The following NELL1 variants were observed in gnomAD, a reference collection of about 807,000 sequenced individuals.
NELL1 encodes neural EGFL like 1.
In NELL1, 76 loss-of-function variants were observed where a neutral mutation model predicts 107.4. The observed-to-expected ratio is 0.71, with a 90% CI of 0.59 to 0.86. The LOEUF (loss-of-function observed/expected upper bound fraction) is 0.86, where lower values mean the gene tolerates loss of function less well. Among genes scored for constraint, NELL1 ranks in the 40% least tolerant of loss-of-function variants. The pLI, the probability that NELL1 is intolerant of heterozygous loss-of-function variation, is 0.00. For synonymous variants in NELL1, 353 were observed against 341.2 expected, an observed-to-expected ratio of 1.03 and a Z score of -0.38; for missense variants, 1,024 against 1,005.5, an observed-to-expected ratio of 1.02 and a Z score of -0.25.
chr11:21,506,934 A>G (rs892715102), intron 15 of NELL1, among the ~76,000 whole-genome samples: 4 of 152,182 alleles, frequency 2.6e-5, no homozygotes, highest in Non-Finnish European at 5.9e-5. Context: ...AGAAAAATAA[A>G]GGACAGGACT....
intron 16 of NELL1, among the ~76,000 whole-genome samples, chr11:21,553,215 G>A (rs1424513506): frequency 6.6e-6 from 1 of 151,840 alleles, no homozygotes; most frequent in Non-Finnish European, 1.5e-5. Context: ...TCAAAATAGA[G>A]AGTTAGTTTT....
chr11:21,147,836 CAAAAAAAAAAAAAAAAAAA>C (rs35688285), intron 13 of NELL1, among the ~76,000 whole-genome samples: 5 of 28,818 alleles, frequency 1.7e-4, no homozygotes, highest in Non-Finnish European at 3.0e-4. Flanking sequence ...AACTCCGTCT[CAAAAAAAAAAAAAAAAAAA>C]AAAAAAAAAA....
At chr11:21,088,737 T>C (rs1565053039) in intron 12 of NELL1, among the ~76,000 whole-genome samples, 1 of 152,248 alleles carries the variant, frequency 6.6e-6, no homozygotes, top group East Asian at 1.9e-4. Context: ...ATCTTCAAAA[T>C]GGTTATAGAG....
chr11:21,527,536 GAACT>G (rs1179493165), intron 15 of NELL1, among the ~76,000 whole-genome samples: 2 of 152,178 alleles, frequency 1.3e-5, no homozygotes, highest in African/African-American at 4.8e-5. Flanking sequence ...TAAAGGGACA[GAACT>G]AATAGGATAG....
intron 11 of NELL1, among the ~76,000 whole-genome samples, chr11:20,958,067 T>TA (rs1851214892): frequency 6.6e-6 from 1 of 152,042 alleles, no homozygotes; most frequent in African/African-American, 2.4e-5. Context: ...AAATCCTAAA[T>TA]AAAAATACAT....
chr11:20,917,364 T>G (rs578111608), intron 5 of NELL1, among the ~76,000 whole-genome samples: 2 of 152,108 alleles, frequency 1.3e-5, no homozygotes, highest in East Asian at 1.9e-4. Flanking sequence ...GCTGATTGCC[T>G]TCTGCTGTTT....
intron 12 of NELL1, among the ~76,000 whole-genome samples, chr11:21,082,001 A>ATACT (rs1404357893): frequency 3.3e-5 from 5 of 152,162 alleles, no homozygotes; most frequent in African/African-American, 1.2e-4. Context: ...ACACTACGCC[A>ATACT]TACTCTCTCA....
At chr11:20,937,658 AAG>A in intron 9 of NELL1, 126 bp from the exon 10 acceptor site, 1 of 678,912 alleles carries the variant, frequency 1.5e-6, no homozygotes, top group South Asian at 1.8e-5. Context: ...ACTTTAGACA[AAG>A]AGATTTGTAT....
At chr11:20,812,026 A>G (rs976502214) in intron 3 of NELL1, among the ~76,000 whole-genome samples, 1 of 152,174 alleles carries the variant, frequency 6.6e-6, no homozygotes, top group Non-Finnish European at 1.5e-5. Context: ...GATTGTAGAG[A>G]GAAAGCTTTC....
intron 2 of NELL1, among the ~76,000 whole-genome samples, chr11:20,728,493 G>A (rs1487523971): frequency 6.6e-6 from 1 of 151,984 alleles, no homozygotes; most frequent in Non-Finnish European, 1.5e-5. Flanking sequence ...TGTAAATAGT[G>A]AAAGGTAGGT....
chr11:21,465,732 C>T (rs1854013211), intron 15 of NELL1, among the ~76,000 whole-genome samples: 1 of 152,010 alleles, frequency 6.6e-6, no homozygotes, highest in African/African-American at 2.4e-5. Flanking sequence ...GGCAAAAGCT[C>T]ATTCTAAAAC....
intron 2 of NELL1, among the ~76,000 whole-genome samples, chr11:20,701,209 T>C (rs893419696): frequency 2.6e-5 from 4 of 152,166 alleles, no homozygotes; most frequent in Non-Finnish European, 5.9e-5. Context: ...TTCTAACTGG[T>C]GTGAGATGGT....
chr11:20,734,071 T>C (rs975840460), intron 2 of NELL1, among the ~76,000 whole-genome samples: 2 of 152,120 alleles, frequency 1.3e-5, no homozygotes, highest in African/African-American at 4.8e-5. Flanking sequence ...CCTGAGGTGA[T>C]GGAAGAAGCC....
intron 2 of NELL1, among the ~76,000 whole-genome samples, chr11:20,736,549 T>C (rs1855766646): frequency 6.6e-6 from 1 of 152,172 alleles, no homozygotes; most frequent in Non-Finnish European, 1.5e-5. Flanking sequence ...GTCTGCTTGG[T>C]CTGTGGAATT....
intron 15 of NELL1, among the ~76,000 whole-genome samples, chr11:21,489,946 C>A (rs778055682): frequency 6.6e-6 from 1 of 151,614 alleles, no homozygotes; most frequent in East Asian, 1.9e-4. Flanking sequence ...GAGCCCTCAG[C>A]AAAACAATCA....
chr11:21,374,038 A>G (rs1223256119), intron 15 of NELL1, among the ~76,000 whole-genome samples: 2 of 152,022 alleles, frequency 1.3e-5, no homozygotes, highest in African/African-American at 4.8e-5. Context: ...AAACAACACA[A>G]AGTCCTCCTA....
At chr11:21,019,510 G>A (rs150088050) in intron 12 of NELL1, among the ~76,000 whole-genome samples, 237 of 152,054 alleles carry the variant, frequency 1.6e-3, no homozygotes, top group African/African-American at 4.4e-3. Context: ...GTATCTTATT[G>A]GTTCTCAACT....
At chr11:20,975,971 A>ATATACAT (rs1564995749) in intron 12 of NELL1, among the ~76,000 whole-genome samples, 2 of 142,890 alleles carry the variant, frequency 1.4e-5, no homozygotes, top group Non-Finnish European at 3.0e-5. Flanking sequence ...TATACATTAT[A>ATATACAT]TATATTATAT....
At chr11:21,369,052 T>A (rs1350428076) in intron 14 of NELL1, among the ~76,000 whole-genome samples, 1 of 152,076 alleles carries the variant, frequency 6.6e-6, no homozygotes, top group Non-Finnish European at 1.5e-5. Flanking sequence ...ATACCTACGA[T>A]GAAACAGCAT....
Sources: gnomAD v4.1 joint callset for allele counts (sites outside exome capture counted in the v4.1 genomes callset) on GRCh38, gnomAD v4.1.1 for gene constraint, MANE v1.5 for transcripts, NCBI Gene and HGNC (gene_info 2026-07-23, HGNC 2026-07-21) for gene names.